Variants in PDYN observed in about 807,000 individuals in gnomAD.
PDYN encodes proenkephalin-B.
Under a neutral mutation model 11.4 loss-of-function variants are expected in PDYN, and 5 were observed. That is an observed-to-expected ratio of 0.44 (90% CI 0.23 to 0.92). PDYN has a LOEUF of 0.92. PDYN is among the 40% of genes least tolerant of loss of function. PDYN has a pLI of 0.24. For synonymous variants in PDYN, 132 were observed against 129.5 expected, an observed-to-expected ratio of 1.02 and a Z score of -0.13; for missense variants, 337 against 317.3, an observed-to-expected ratio of 1.06 and a Z score of -0.47.
intron 2 of PDYN, among the ~76,000 whole-genome samples, chr20:1,985,257 C>G (rs183181874): frequency 1.9e-4 from 29 of 152,252 alleles, no homozygotes; most frequent in East Asian, 3.9e-4. Flanking sequence ...TAGGCTCCCC[C>G]ACCAGAGCAT....
chr20:1,979,035 C>G lies in PDYN; in HGVS notation c.*1288G>C, dbSNP rs1371958711. Reference sequence around the variant, plus strand: ...TGGACCCACAAACCAAAAGAGAGTGCCTGGGAATGAGAGAGCAAAAGAGAG... The same window carrying G: ...TGGACCCACAAACCAAAAGAGAGTGGCTGGGAATGAGAGAGCAAAAGAGAG... On this transcript the variant is annotated 3_prime_UTR_variant, in exon 4 of 4. Transcript: ENST00000217305. 1 of 152,198 alleles carries G rather than the reference C, an allele frequency of 6.6e-6. No homozygotes were observed. Among genetic ancestry groups the G allele is most frequent in the African/African-American group, 2.4e-5 (1 of 41,524 alleles). The allele number at this position is 152,198 out of a possible 1,614,324, so 9.4% of individuals were successfully genotyped here. A position where few individuals can be genotyped will look rare whatever the true frequency, so the allele number is the denominator to read the frequency against.
chr20:1,991,963 CA>C (rs1889361491), intron 2 of PDYN, among the ~76,000 whole-genome samples: 1 of 152,108 alleles, frequency 6.6e-6, no homozygotes, highest in Admixed American at 6.5e-5. Context: ...ACATAGCACA[CA>C]GCATGATGGA....
chr20:1,983,081 C>T lies in PDYN; in HGVS notation c.4G>A (p.Ala2Thr). The change falls in exon 3 of 4, where the codon GCC (alanine) becomes ACC (threonine). Residue 2 changes from alanine to threonine, a missense_variant. Transcript: ENST00000217305. M[A>T]WQGLVLAACL... is the part of the protein sequence containing the mutation. ...GCAGCCAGGACCAGCCCCTGCCAGG[C>T]CATCCTGTCTCAGCAATTCCTGCTG... 1.2e-6 allele frequency: 2 copies of T among 1,613,450 alleles called. No individual in the cohort carries two copies. The highest frequency in any genetic ancestry group is 8.5e-7 in the Non-Finnish European group (1 of 1,179,854).
chr20:1,980,590 C>T lies in PDYN; in HGVS notation c.498G>A (p.Glu166=). Residue 166 remains glutamate (E), a synonymous_variant, in exon 4 of 4, where the codon GAG becomes GAA. Transcript: ENST00000217305. The part of the protein sequence containing the change: ...METGTLYLAE[E]DPKEQVKRYG... ...AGCGTTTGACCTGCTCCTTGGGGTC[C>T]TCCTCAGCGAGATAGAGTGTGCCAG... 6.2e-7 allele frequency: 1 copy of T among 1,614,156 alleles called. No individual in the cohort carries two copies. The highest frequency in any genetic ancestry group is 8.5e-7 in the Non-Finnish European group (1 of 1,180,022).
chr20:1,986,539 C>G (rs921001134), intron 2 of PDYN, among the ~76,000 whole-genome samples: 2 of 152,198 alleles, frequency 1.3e-5, no homozygotes, highest in Non-Finnish European at 2.9e-5. Flanking sequence ...CTCCTAATAC[C>G]AACAGCTGAC....
At chr20:1,990,971 A>G (rs1169479107) in intron 2 of PDYN, among the ~76,000 whole-genome samples, 1 of 150,948 alleles carries the variant, frequency 6.6e-6, no homozygotes, top group South Asian at 2.1e-4. Context: ...AAGATGAGAC[A>G]TAGAGATGGG....
At chr20:1,987,371 C>A (rs761245) in intron 2 of PDYN, among the ~76,000 whole-genome samples, 18,357 of 152,084 alleles carry the variant, frequency 0.12, 1,220 homozygotes, top group East Asian at 0.2. Context: ...TAAAATTAGG[C>A]AATTTTTACA....
chr20:1,980,320 T>G lies in PDYN; in HGVS notation c.*3A>C. ...CCTGACTCTACTCCATGAAAAGAGG[T>G]GCTTATGCATCAAAAAGCTCTCCAG... On this transcript the variant is annotated 3_prime_UTR_variant, in exon 4 of 4. Transcript: ENST00000217305. The G allele has an allele frequency of 6.2e-7, 1 of 1,613,990 alleles. No individual in the cohort carries two copies. The highest frequency in any genetic ancestry group is 8.5e-7 in the Non-Finnish European group (1 of 1,179,964).
chr20:1,993,319 A>T (rs1049063938), intron 1 of PDYN, among the ~76,000 whole-genome samples: 1 of 152,012 alleles, frequency 6.6e-6, no homozygotes, highest in Admixed American at 6.6e-5. Flanking sequence ...CCAACAAAAC[A>T]TCCCCAAACT....
chr20:1,993,768 C>T (rs1988552338), intron 1 of PDYN, 143 bp downstream of exon 1: 2 of 152,272 alleles, frequency 1.3e-5, no homozygotes, highest in Non-Finnish European at 2.9e-5. Context: ...GAACTAGCCT[C>T]CTAACTGTAA....
At chr20:1,987,747 G>C (rs1342871758) in intron 2 of PDYN, among the ~76,000 whole-genome samples, 1 of 152,230 alleles carries the variant, frequency 6.6e-6, no homozygotes, top group Non-Finnish European at 1.5e-5. Context: ...TAGCTTTACT[G>C]TGCCTCAGTT....
chr20:1,985,456 T>C (rs890830585), intron 2 of PDYN, among the ~76,000 whole-genome samples: 1 of 152,048 alleles, frequency 6.6e-6, no homozygotes, highest in Non-Finnish European at 1.5e-5. Flanking sequence ...ATGACTACAA[T>C]TTCTAGAGCA....
intron 2 of PDYN, among the ~76,000 whole-genome samples, chr20:1,986,758 C>T (rs1189139501): frequency 6.6e-6 from 1 of 152,216 alleles, no homozygotes; most frequent in African/African-American, 2.4e-5. Flanking sequence ...GAGTTCTGCC[C>T]ATCCTGGGCT....
chr20:1,980,348 T>A lies in PDYN; in HGVS notation c.740A>T (p.Tyr247Phe). The change falls in exon 4 of 4, where the codon TAC becomes TTC. Residue 247 changes from tyrosine (Y) to phenylalanine (F), a missense_variant. Tyr to Phe is a conservative substitution (Grantham distance 22). Transcript: ENST00000217305. ...TTATGCATCAAAAAGCTCTCCAGAG[T>A]AAGCATTCGGATCTTCCTGAGACCG... ...VTRSQEDPNA[Y>F]SGELFDA 6.2e-7 allele frequency: 1 copy of A among 1,614,018 alleles called. No homozygotes were observed. The highest frequency in any genetic ancestry group is 8.5e-7 in the Non-Finnish European group (1 of 1,179,996).
Position 1,993,052 on chromosome 20 carries a change from C to CTTTT in PDYN, c.-79-413_-79-410dup, listed in dbSNP as rs57340342. On this transcript the variant is annotated intron_variant, in intron 1 of 3. Coordinates refer to ENST00000217305, the MANE Select transcript of PDYN (RefSeq NM_024411.5). ...CTTCAACCTTGGAGTAGTCAGCAGG[C>CTTTT]TTTTTTTTTTTTTTTTTTTTTCCTG... 4.4e-4 allele frequency among the ~76,000 whole-genome samples: 51 copies of CTTTT among 115,412 alleles called. 1 individual carries two copies. Among genetic ancestry groups the CTTTT allele is most frequent in the African/African-American group, 1.5e-3 (45 of 29,660 alleles). The allele number at this position is 115,412 out of a possible 152,430, so 75.7% of individuals were successfully genotyped here.
rs577018842 is a variant in PDYN, at chr20:1,987,445, G to A, written c.-19-4342C>T. Among the ~76,000 whole-genome samples, 89 of 152,322 alleles carry A rather than the reference G, an allele frequency of 5.8e-4. 2 individuals are homozygous for A. In the South Asian group the frequency reaches 7.5e-3, roughly 13 times the overall value. ...CAAAAGGCCTGGGGACATTGAGCCT[G>A]TATTCCAATATGGCAACAGTCACAG... On this transcript the variant is annotated intron_variant, in intron 2 of 3. Transcript: ENST00000217305.
Position 1,980,428 on chromosome 20 carries a change from C to T in PDYN, c.660G>A (p.Trp220Ter), listed in dbSNP as rs774412599. ...FLRRIRPKLK[W>*]DNQKRYGGFL... is the part of the protein sequence containing the mutation. ...AACCGCCATAGCGCTTCTGGTTGTC[C>T]CACTTGAGCTTGGGACGAATGCGCC... is the stretch of plus-strand genomic sequence containing the variant. The change falls in exon 4 of 4, where the codon TGG becomes TGA. Residue 220 changes from tryptophan to a stop codon, truncating the protein, a stop_gained. Transcript: ENST00000217305. LOFTEE classifies it high-confidence loss of function. The T allele has an allele frequency of 7.4e-6, 12 of 1,614,160 alleles. No homozygotes were observed. Among genetic ancestry groups the T allele is most frequent in the Non-Finnish European group, 1.0e-5 (12 of 1,180,030 alleles).
rs754534568 is a variant in PDYN, at chr20:1,980,810, C to T, written c.278G>A (p.Ser93Asn). 2.5e-6 allele frequency: 4 copies of T among 1,614,104 alleles called. No homozygotes were observed. The South Asian group carries it at 3.3e-5, about 13-fold the overall frequency. ...GSKSVGEGPY[S>N]ELAKLSGSFL... ...TGACCCAGAGAGCTTGGCCAGCTCA[C>T]TGTAGGGCCCTTCCCCAACCGACTT... The change falls in exon 4 of 4, where the codon AGT (serine) becomes AAT (asparagine). Residue 93 changes from serine (S) to asparagine (N), a missense_variant. By Grantham distance (46) the Ser-to-Asn change is conservative. Transcript: ENST00000217305.
At position 1,994,042 on chromosome 20, in the gene PDYN, C is replaced by CA. The variant is rs2122411293; in HGVS notation, c.-212dup. ...CCAAAGAGGCAGCTGTGAACACCACCAAAGCCCCTTCAAATGGCAGTTCTG... is the reference window on the plus strand; with the variant it reads ...CCAAAGAGGCAGCTGTGAACACCACCAAAAGCCCCTTCAAATGGCAGTTCTG... On this transcript the variant is annotated 5_prime_UTR_variant, in exon 1 of 4. Coordinates refer to ENST00000217305, the MANE Select transcript of PDYN (RefSeq NM_024411.5). The CA allele has an allele frequency of 6.5e-6, 1 of 153,464 alleles. No homozygotes were observed. The highest frequency in any genetic ancestry group is 2.1e-4 in the South Asian group (1 of 4,830). 9.5% of individuals were successfully genotyped at this position (153,464 alleles called of 1,614,324 possible). A position where few individuals can be genotyped will look rare whatever the true frequency, so the allele number is the denominator to read the frequency against.
Sources: allele counts gnomAD v4.1 joint callset (sites outside exome capture counted in the v4.1 genomes callset), GRCh38; gene constraint gnomAD v4.1.1; transcripts MANE v1.5; gene names NCBI Gene and HGNC (gene_info 2026-07-23, HGNC 2026-07-21).